SDF2: variants seen among roughly 807,000 people sequenced by gnomAD.
SDF2 encodes stromal cell-derived factor 2.
A neutral mutation model predicts 20.5 loss-of-function variants in SDF2; 12 were observed. The ratio of observed to expected loss-of-function variants is 0.58; its 90% CI spans 0.37 to 0.95. SDF2 has a LOEUF of 0.95. Ranked by LOEUF, SDF2 falls within the 40% of genes least tolerant of loss-of-function variation. SDF2 has a pLI of 0.01. For synonymous variants in SDF2, 100 were observed against 101.0 expected (o/e 0.99, Z 0.06); for missense variants, 238 against 263.1 (o/e 0.90, Z 0.66).
chr17:28,650,887 T>A (rs934145026), intron 2 of SDF2, among the ~76,000 whole-genome samples: 16 of 147,584 alleles, frequency 1.1e-4, no homozygotes, highest in Admixed American at 9.4e-4. Flanking sequence ...TCAAGTGGTC[T>A]TATGGCCTCA....
In SDF2 at chr17:28,653,811, AAAAAC is replaced by A. The variant is rs546437331; in HGVS notation, c.348+1471_348+1475del. ...TGGGACAGAGCGAGACTCTGTCTCA[AAAAAC>A]AAAACAAAACAAAACAAAACAAGGG... is the stretch of plus-strand genomic sequence containing the variant. On this transcript the variant is annotated intron_variant, in intron 2 of 2. Coordinates refer to ENST00000247020, the MANE Select transcript of SDF2 (RefSeq NM_006923.4). 6.2e-3 allele frequency among the ~76,000 whole-genome samples: 940 copies of A among 152,302 alleles called. 4 individuals carry two copies. The highest frequency in any genetic ancestry group is 0.01 in the Middle Eastern group (3 of 294).
upstream of SDF2, chr17:28,662,041 C>G: frequency 2.8e-6 from 2 of 726,428 alleles, no homozygotes; most frequent in South Asian, 1.9e-5. Context: ...AGCCTGGTTA[C>G]TTACGATACT....
chr17:28,650,683 G>A (rs1183395400), intron 2 of SDF2, among the ~76,000 whole-genome samples: 1 of 151,702 alleles, frequency 6.6e-6, no homozygotes, highest in Non-Finnish European at 1.5e-5. Flanking sequence ...CTATTCGGGA[G>A]GCTGAAGCAG....
chr17:28,657,623 C>T (rs1206634441), intron 1 of SDF2: 4 of 152,034 alleles, frequency 2.6e-5, no homozygotes, highest in Admixed American at 2.6e-4. Context: ...CTCTCGAATT[C>T]CTGGGCTCAA....
rs558475060 is a variant in SDF2, at chr17:28,656,608, C to T, written c.152-1125G>A. Reference sequence around the variant, plus strand: ...GTCTCAAAAAAAATAAATAAATAAACTGTGTCCACGTAATACTAGTTACTA... The same window carrying T: ...GTCTCAAAAAAAATAAATAAATAAATTGTGTCCACGTAATACTAGTTACTA... On this transcript the variant is annotated intron_variant, in intron 1 of 2. Transcript: ENST00000247020. Among the ~76,000 whole-genome samples the T allele has an allele frequency of 2.6e-5, 4 of 151,986 alleles. No homozygotes were observed. The South Asian group carries it at 8.3e-4, about 32-fold the overall frequency.
chr17:28,657,044 T>C (rs1234250714), intron 1 of SDF2, among the ~76,000 whole-genome samples: 2 of 151,942 alleles, frequency 1.3e-5, no homozygotes, highest in East Asian at 1.9e-4. Flanking sequence ...CTGGCCAATA[T>C]GGTGAAACCC....
chr17:28,656,783 A>G (rs577176118), intron 1 of SDF2, among the ~76,000 whole-genome samples: 2 of 152,342 alleles, frequency 1.3e-5, no homozygotes, highest in South Asian at 4.1e-4. Flanking sequence ...TAATGTGTCT[A>G]ATCACATAAT....
rs530795966 is a variant in SDF2, at chr17:28,658,834, G to A, written c.151+2892C>T. On this transcript the variant is annotated intron_variant, in intron 1 of 2. Coordinates refer to ENST00000247020, the MANE Select transcript of SDF2 (RefSeq NM_006923.4). Reference sequence around the variant, plus strand: ...CTTCACACTTGGAAGACTGCACAGCGGCCAGGCAGAGGCGCTCCTCACTTC... The same window carrying A: ...CTTCACACTTGGAAGACTGCACAGCAGCCAGGCAGAGGCGCTCCTCACTTC... 2.3e-3 allele frequency among the ~76,000 whole-genome samples: 347 copies of A among 152,296 alleles called. 1 individual carries two copies. The highest frequency in any genetic ancestry group is 0.017 in the Middle Eastern group (5 of 294).
intron 2 of SDF2, among the ~76,000 whole-genome samples, chr17:28,652,812 G>C (rs2071926143): frequency 6.6e-6 from 1 of 152,218 alleles, no homozygotes; most frequent in Non-Finnish European, 1.5e-5. Context: ...AAGGAAAGAA[G>C]TGCTTTAAAG....
In SDF2 at chr17:28,661,752, T is replaced by A; in HGVS notation, c.125A>T (p.His42Leu). 1 of 1,613,638 alleles carries A rather than the reference T, an allele frequency of 6.2e-7. No homozygotes were observed. Residue 42 changes from histidine to leucine, a missense_variant, in exon 1 of 3, where the codon CAC becomes CTC. His to Leu is a moderately conservative substitution (Grantham distance 99). Transcript: ENST00000247020. ...TGACCCATAGCGCACGTCGTGTGAG[T>A]GCAGTCGGACGTTGTGGCGCGTATT... is the stretch of plus-strand genomic sequence containing the variant. ...LLNTRHNVRL[H>L]SHDVRYGSGS...
At chr17:28,655,215 A>C in intron 2 of SDF2, 72 bp downstream of exon 2, 1 of 1,406,602 alleles carries the variant, frequency 7.1e-7, no homozygotes, top group Non-Finnish European at 1.0e-6. Context: ...AGAAACATTT[A>C]AGAACCAAGA....
intron 1 of SDF2, among the ~76,000 whole-genome samples, chr17:28,660,023 G>A (rs2072008583): frequency 1.3e-5 from 2 of 152,210 alleles, no homozygotes; most frequent in Non-Finnish European, 2.9e-5. Context: ...CAGATCACTC[G>A]AGGTCAGGAG....
intron 2 of SDF2, among the ~76,000 whole-genome samples, chr17:28,652,600 G>C (rs1279488253): frequency 6.6e-6 from 1 of 152,154 alleles, no homozygotes; most frequent in Admixed American, 6.5e-5. Flanking sequence ...GAGCCACTGC[G>C]CCTGGCTTAC....
intron 1 of SDF2, among the ~76,000 whole-genome samples, chr17:28,660,139 C>T (rs978578228): frequency 2.0e-5 from 3 of 152,098 alleles, no homozygotes; most frequent in African/African-American, 4.8e-5. Context: ...CTCGGCAGGC[C>T]GTGGCAGGAG....
At position 28,655,396 on chromosome 17, in the gene SDF2, C is replaced by T; in HGVS notation, c.239G>A (p.Cys80Tyr). The change falls in exon 2 of 3, where the codon TGT becomes TAT. Residue 80 changes from cysteine to tyrosine, a missense_variant. Physicochemically the swap from Cys to Tyr is radical, Grantham distance 194. Coordinates refer to ENST00000247020, the MANE Select transcript of SDF2 (RefSeq NM_006923.4). The stretch of plus-strand genomic sequence containing the variant: ...ACACTTGATGGGGGTTCCCCTCTCA[C>T]ACACTGTGGCACTCTTCCCCCGTAT... ...WRIRGKSATV[C>Y]ERGTPIKCGQ... 1 of 1,614,264 alleles carries T rather than the reference C, an allele frequency of 6.2e-7. No individual in the cohort carries two copies. Among genetic ancestry groups the T allele is most frequent in the Non-Finnish European group, 8.5e-7 (1 of 1,180,044 alleles).
At chr17:28,650,224 T>C (rs1409116472) in intron 2 of SDF2, among the ~76,000 whole-genome samples, 3 of 152,004 alleles carry the variant, frequency 2.0e-5, no homozygotes, top group African/African-American at 7.3e-5. Flanking sequence ...AGTGCTGGGA[T>C]TACAGGCATG....
At chr17:28,656,713 T>C (rs1284620804) in intron 1 of SDF2, among the ~76,000 whole-genome samples, 8 of 152,222 alleles carry the variant, frequency 5.3e-5, no homozygotes, top group Admixed American at 2.0e-4. Flanking sequence ...GGCACAAATC[T>C]ATGTGAGTTT....
At chr17:28,655,834 T>C (rs560196608) in intron 1 of SDF2, 7 of 284,980 alleles carry the variant, frequency 2.5e-5, no homozygotes, top group African/African-American at 1.5e-4. Flanking sequence ...TTGATGACCT[T>C]AAGAAACCAG....
At chr17:28,649,738 A>G (rs2071897416) in intron 2 of SDF2, among the ~76,000 whole-genome samples, 1 of 150,568 alleles carries the variant, frequency 6.6e-6, no homozygotes, top group African/African-American at 2.4e-5. Context: ...CTGTCTCAAA[A>G]AAAAAAAAAG....
Sources: allele counts gnomAD v4.1 joint callset (sites outside exome capture counted in the v4.1 genomes callset), GRCh38; gene constraint gnomAD v4.1.1; transcripts MANE v1.5; gene names NCBI Gene and HGNC (gene_info 2026-07-23, HGNC 2026-07-21).